BBLN: variants seen among roughly 807,000 people sequenced by gnomAD.
The protein encoded by BBLN is bublin coiled-coil protein.
A neutral mutation model predicts 7.6 loss-of-function variants in BBLN; 6 were observed. That is an observed-to-expected ratio of 0.79 (90% CI 0.43 to 1.55). The LOEUF (loss-of-function observed/expected upper bound fraction) is 1.55, where lower values mean the gene tolerates loss of function less well. Among genes scored for constraint, BBLN ranks in the 40% most tolerant of loss-of-function variants. The pLI is 0.01. For missense variants in BBLN, 100 were observed against 111.1 expected, an observed-to-expected ratio of 0.90 and a Z score of 0.45; for synonymous variants, 35 against 46.7, an observed-to-expected ratio of 0.75 and a Z score of 1.02.
chr9:128,160,530 T>C, intron 1 of BBLN, 44 bp downstream of exon 1: 1 of 1,195,812 alleles, frequency 8.4e-7, no homozygotes. Flanking sequence ...TTTTCAGGGC[T>C]GCCCTCCCGG....
intron 1 of BBLN, among the ~76,000 whole-genome samples, chr9:128,161,087 C>CAAAAAAAAGAAAAAAAAAAAAA (rs1829250127): frequency 7.9e-6 from 1 of 125,938 alleles, no homozygotes; most frequent in Non-Finnish European, 1.6e-5. Flanking sequence ...GAATTAAATG[C>CAAAAAAAAGAAAAAAAAAAAAA]AAAAAAAAGG....
intron 1 of BBLN, among the ~76,000 whole-genome samples, chr9:128,161,704 G>T (rs984112107): frequency 7.9e-5 from 12 of 151,472 alleles, no homozygotes; most frequent in Admixed American, 2.0e-4. Flanking sequence ...ACAGTGGCGT[G>T]ATCTTGGCTC....
chr9:128,163,300 C>G lies in BBLN; in HGVS notation c.80-143C>G. 1 of 627,788 alleles carries G rather than the reference C, an allele frequency of 1.6e-6. No individual in the cohort carries two copies. The highest frequency in any genetic ancestry group is 2.6e-6 in the Non-Finnish European group (1 of 391,682). The allele number at this position is 627,788 out of a possible 1,614,324, so 38.9% of individuals were successfully genotyped here. On this transcript the variant is annotated intron_variant, in intron 1 of 1. Transcript: ENST00000372994. The surrounding 1 kb of genome is among the most constrained non-coding windows in gnomAD (Gnocchi z 5.7). ...CTCTTTTGGTATTCCACCCATTTTCCAGACGGTGACACTGAGGCTCAGGAA... is the reference window on the plus strand; with the variant it reads ...CTCTTTTGGTATTCCACCCATTTTCGAGACGGTGACACTGAGGCTCAGGAA...
rs1472732539 is a variant in BBLN at position 128,163,412 on chromosome 9, A to G, written c.80-31A>G. 6.6e-7 allele frequency: 1 copy of G among 1,507,150 alleles called. No homozygotes were observed. Among genetic ancestry groups the G allele is most frequent in the Admixed American group, 2.1e-5 (1 of 47,194 alleles). The allele number at this position is 1,507,150 out of a possible 1,614,324, so 93.4% of individuals were successfully genotyped here. ...TCCATTAGCCCCAAGGAGACACAGG[A>G]TCTGGGCTCTGTCTTTCGCCTTCCT... is the stretch of plus-strand genomic sequence containing the variant. On this transcript the variant is annotated intron_variant, in intron 1 of 1. Transcript: ENST00000372994. The surrounding 1 kb of genome is among the most constrained non-coding windows in gnomAD (Gnocchi z 5.7).
In BBLN at chr9:128,160,489, G is replaced by T; in HGVS notation, c.79+3G>T. On this transcript the variant is annotated splice_donor_region_variant and intron_variant, in intron 1 of 1. Coordinates refer to ENST00000372994, the MANE Select transcript of BBLN (RefSeq NM_024112.4). ...GGAGGACGGCTTCGGGGAAGCAGGTGACCCGAGGGGGCTGCTGGAGCAACC... is the reference window on the plus strand; with the variant it reads ...GGAGGACGGCTTCGGGGAAGCAGGTTACCCGAGGGGGCTGCTGGAGCAACC... 7.8e-7 allele frequency: 1 copy of T among 1,274,066 alleles called. No homozygotes were observed. Among genetic ancestry groups the T allele is most frequent in the South Asian group, 3.0e-5 (1 of 33,686 alleles). 78.9% of individuals were successfully genotyped at this position (1,274,066 alleles called of 1,614,324 possible). A position where few individuals can be genotyped will look rare whatever the true frequency, so the allele number is the denominator to read the frequency against.
Position 128,163,592 on chromosome 9 carries a change from G to T in BBLN, c.229G>T (p.Ala77Ser). The change falls in exon 2 of 2, where the codon GCC (alanine) becomes TCC (serine). Residue 77 changes from alanine to serine, a missense_variant. Coordinates refer to ENST00000372994, the MANE Select transcript of BBLN (RefSeq NM_024112.4). The surrounding 1 kb of genome is among the most constrained non-coding windows in gnomAD (Gnocchi z 5.7). Reference protein sequence around the residue: ...RLEFQQQLGEAPSDASP With the variant: ...RLEFQQQLGESPSDASP ...GGAGTTCCAGCAGCAGCTCGGGGAGGCCCCCAGTGATGCCAGCCCCTAGGC... is the reference window on the plus strand; with the variant it reads ...GGAGTTCCAGCAGCAGCTCGGGGAGTCCCCCAGTGATGCCAGCCCCTAGGC... The T allele has an allele frequency of 1.3e-6, 2 of 1,565,846 alleles. No individual in the cohort carries two copies. The highest frequency in any genetic ancestry group is 1.8e-5 in the Admixed American group (1 of 54,204).
intron 1 of BBLN, among the ~76,000 whole-genome samples, chr9:128,160,750 T>C (rs1829245795): frequency 6.6e-6 from 1 of 152,192 alleles, no homozygotes; most frequent in Admixed American, 6.5e-5. Context: ...TGGGCCTTGC[T>C]CCACCACTTC....
Position 128,163,822 on chromosome 9 carries a change from CA to C in BBLN, c.*209del. 2.0e-6 allele frequency: 1 copy of C among 512,008 alleles called. No individual in the cohort carries two copies. Among genetic ancestry groups the C allele is most frequent in the Non-Finnish European group, 3.4e-6 (1 of 292,414 alleles). 31.7% of individuals were successfully genotyped at this position (512,008 alleles called of 1,614,324 possible). Reference sequence around the variant, plus strand: ...ACCACCTGGCATGCCCTCCTGGGGCCAAGAGTGGGCCTGCAACCCACCCACT... The same window carrying C: ...ACCACCTGGCATGCCCTCCTGGGGCCAGAGTGGGCCTGCAACCCACCCACT... On this transcript the variant is annotated 3_prime_UTR_variant, in exon 2 of 2. Transcript: ENST00000372994. This position sits in a 1 kb window ranked among gnomAD's most constrained non-coding sequence, Gnocchi z 5.7.
intron 1 of BBLN, among the ~76,000 whole-genome samples, chr9:128,161,851 T>C (rs1338395073): frequency 3.9e-5 from 6 of 152,074 alleles, no homozygotes; most frequent in African/African-American, 1.4e-4. Context: ...CCACGTCGGC[T>C]AGGCTGGTCT....
Position 128,160,438 on chromosome 9 carries a change from C to T in BBLN, c.31C>T (p.Pro11Ser). Residue 11 changes from proline (P) to serine (S), a missense_variant, in exon 1 of 2, where the codon CCG (proline) becomes TCG (serine). Physicochemically the swap from Pro to Ser is moderately conservative, Grantham distance 74. Coordinates refer to ENST00000372994, the MANE Select transcript of BBLN (RefSeq NM_024112.4). MSGPNGDLGM[P>S]VEAGAEGEED... is the part of the protein sequence containing the mutation. ...GGGCCCCAACGGAGACCTGGGGATG[C>T]CGGTGGAGGCGGGAGCGGAAGGCGA... The T allele has an allele frequency of 7.9e-7, 1 of 1,268,528 alleles. No individual in the cohort carries two copies. Among genetic ancestry groups the T allele is most frequent in the African/African-American group, 1.6e-5 (1 of 64,448 alleles). 78.6% of individuals were successfully genotyped at this position (1,268,528 alleles called of 1,614,324 possible).
chr9:128,163,259 T>C lies in BBLN; in HGVS notation c.80-184T>C, dbSNP rs1829272958. On this transcript the variant is annotated intron_variant, in intron 1 of 1. Transcript: ENST00000372994. This position sits in a 1 kb window ranked among gnomAD's most constrained non-coding sequence, Gnocchi z 5.7. ...AAAGGATGCAGTACTAAAGTGTCATTCATTCAAAGCCACTCCTCTTTTGGT... is the reference window on the plus strand; with the variant it reads ...AAAGGATGCAGTACTAAAGTGTCATCCATTCAAAGCCACTCCTCTTTTGGT... 6.6e-6 allele frequency among the ~76,000 whole-genome samples: 1 copy of C among 152,154 alleles called. No individual in the cohort carries two copies. Among genetic ancestry groups the C allele is most frequent in the Admixed American group, 6.5e-5 (1 of 15,282 alleles).
chr9:128,163,760 G>A lies in BBLN; in HGVS notation c.*145G>A. ...TCTGCCTGCCTGGGCCACCCTTCCT[G>A]CCTGGGCCTCCCCTTGGCCTACCTG... is the stretch of plus-strand genomic sequence containing the variant. On this transcript the variant is annotated 3_prime_UTR_variant, in exon 2 of 2. Coordinates refer to ENST00000372994, the MANE Select transcript of BBLN (RefSeq NM_024112.4). The surrounding 1 kb of genome is among the most constrained non-coding windows in gnomAD (Gnocchi z 5.7). 1.4e-6 allele frequency: 1 copy of A among 698,642 alleles called. No individual in the cohort carries two copies. The highest frequency in any genetic ancestry group is 2.2e-6 in the Non-Finnish European group (1 of 450,000). The allele number at this position is 698,642 out of a possible 1,614,324, so 43.3% of individuals were successfully genotyped here. A position where few individuals can be genotyped will look rare whatever the true frequency, so the allele number is the denominator to read the frequency against.
At chr9:128,160,943 C>G (rs114180073) in intron 1 of BBLN, among the ~76,000 whole-genome samples, 19 of 152,300 alleles carry the variant, frequency 1.2e-4, no homozygotes, top group African/African-American at 3.9e-4. Flanking sequence ...TACAGAGCAG[C>G]CTTTTGCGTG....
rs969879259 is a variant in BBLN at position 128,163,564 on chromosome 9, C to T, written c.201C>T (p.Arg67=). Residue 67 remains arginine (R), a synonymous_variant, in exon 2 of 2, where the codon CGC becomes CGT. Coordinates refer to ENST00000372994, the MANE Select transcript of BBLN (RefSeq NM_024112.4). This position sits in a 1 kb window ranked among gnomAD's most constrained non-coding sequence, Gnocchi z 5.7. ...TGCTGGAGTCCAACCGGCAGACACG[C>T]CTGGAGTTCCAGCAGCAGCTCGGGG... ...QELLESNRQT[R]LEFQQQLGEA... The T allele has an allele frequency of 1.2e-6, 2 of 1,604,466 alleles. No homozygotes were observed. Among genetic ancestry groups the T allele is most frequent in the Non-Finnish European group, 1.7e-6 (2 of 1,175,208 alleles).
rs1829242212 is a variant in BBLN at position 128,160,440 on chromosome 9, G to A, written c.33G>A (p.Pro11=). Residue 11 remains proline, a synonymous_variant, in exon 1 of 2, where the codon CCG becomes CCA. Coordinates refer to ENST00000372994, the MANE Select transcript of BBLN (RefSeq NM_024112.4). Reference sequence around the variant, plus strand: ...GCCCCAACGGAGACCTGGGGATGCCGGTGGAGGCGGGAGCGGAAGGCGAGG... The same window carrying A: ...GCCCCAACGGAGACCTGGGGATGCCAGTGGAGGCGGGAGCGGAAGGCGAGG... MSGPNGDLGM[P]VEAGAEGEED... The A allele has an allele frequency of 1.6e-6, 2 of 1,268,790 alleles. No individual in the cohort carries two copies. The highest frequency in any genetic ancestry group is 2.0e-6 in the Non-Finnish European group (2 of 999,000). The allele number at this position is 1,268,790 out of a possible 1,614,324, so 78.6% of individuals were successfully genotyped here. A position where few individuals can be genotyped will look rare whatever the true frequency, so the allele number is the denominator to read the frequency against.
chr9:128,161,786 G>A (rs748946076), intron 1 of BBLN, among the ~76,000 whole-genome samples: 37 of 151,972 alleles, frequency 2.4e-4, no homozygotes, highest in Non-Finnish European at 4.4e-4. Flanking sequence ...GACTACAGAC[G>A]CCTGCCACCA....
chr9:128,160,866 G>A lies in BBLN; in HGVS notation c.79+380G>A, dbSNP rs1395009020. Among the ~76,000 whole-genome samples, 5 of 152,216 alleles carry A rather than the reference G, an allele frequency of 3.3e-5. No homozygotes were observed. The East Asian group carries it at 9.6e-4, about 29-fold the overall frequency. ...GGGGACGCGGGGGCGTCGCTCTGCC[G>A]ATTCAGCATCCCCAGCCACCCGGCT... On this transcript the variant is annotated intron_variant, in intron 1 of 1. Coordinates refer to ENST00000372994, the MANE Select transcript of BBLN (RefSeq NM_024112.4).
chr9:128,163,784 T>G lies in BBLN; in HGVS notation c.*169T>G. 1.7e-6 allele frequency: 1 copy of G among 593,518 alleles called. No homozygotes were observed. Among genetic ancestry groups the G allele is most frequent in the Non-Finnish European group, 2.8e-6 (1 of 355,782 alleles). The allele number at this position is 593,518 out of a possible 1,614,324, so 36.8% of individuals were successfully genotyped here. A position where few individuals can be genotyped will look rare whatever the true frequency, so the allele number is the denominator to read the frequency against. ...TGCCTGGGCCTCCCCTTGGCCTACC[T>G]GGGCCAGCCCCCACCACCTGGCATG... On this transcript the variant is annotated 3_prime_UTR_variant, in exon 2 of 2. Transcript: ENST00000372994. This position sits in a 1 kb window ranked among gnomAD's most constrained non-coding sequence, Gnocchi z 5.7.
chr9:128,161,087 C>CAAAAAAAAAAAAAAAAAAAAAAA (rs10524542), intron 1 of BBLN, among the ~76,000 whole-genome samples: 1 of 125,946 alleles, frequency 7.9e-6, no homozygotes, highest in East Asian at 2.7e-4. Flanking sequence ...GAATTAAATG[C>CAAAAAAAAAAAAAAAAAAAAAAA]AAAAAAAAGG....
Sources: allele counts gnomAD v4.1 joint callset (sites outside exome capture counted in the v4.1 genomes callset), GRCh38; gene constraint gnomAD v4.1.1; non-coding constraint Gnocchi (gnomAD v3.1); transcripts MANE v1.5; gene names NCBI Gene and HGNC (gene_info 2026-07-23, HGNC 2026-07-21).